AGAP5: variants seen among roughly 807,000 people sequenced by gnomAD.
AGAP5 encodes the protein ArfGAP with GTPase domain, ankyrin repeat and PH domain 5, also known as arf-GAP with GTPase, ANK repeat and PH domain-containing protein 5.
AGAP5 carries 8 observed loss-of-function variants against 27.7 expected under a neutral mutation model. That is an observed-to-expected ratio of 0.29 (90% CI 0.17 to 0.52). The LOEUF is 0.52. AGAP5 is among the 20% of genes least tolerant of loss of function. The probability of loss-of-function intolerance (pLI) is 0.97; values close to 1 mark genes in which losing one functional copy is unlikely to be tolerated. For synonymous variants in AGAP5, 111 were observed against 338.0 expected (o/e 0.33, Z 7.37); for missense variants, 285 against 880.8 (o/e 0.32, Z 8.56).
intron 3 of AGAP5, among the ~76,000 whole-genome samples, chr10:73,693,812 T>C (rs940135389): frequency 2.6e-5 from 4 of 152,160 alleles, no homozygotes; most frequent in African/African-American, 9.7e-5. Flanking sequence ...GTAAGTTTGC[T>C]GAGGCCCTCA....
At position 73,674,501 on chromosome 10, in the gene AGAP5, C is replaced by G. The variant is rs1047591; in HGVS notation, c.*98G>C. The G allele has an allele frequency of 3.1e-6, 5 of 1,590,942 alleles. No individual in the cohort carries two copies. The highest frequency in any genetic ancestry group is 4.3e-6 in the Non-Finnish European group (5 of 1,166,556). On this transcript the variant is annotated 3_prime_UTR_variant, in exon 8 of 8. Coordinates refer to ENST00000374094, the MANE Select transcript of AGAP5 (RefSeq NM_001144000.4). ...ATGAAAAGTACTGAAAATGCTATTA[C>G]TAGCTGAATTTGTGATTTCCTTTTG... is the stretch of plus-strand genomic sequence containing the variant.
In AGAP5 at chr10:73,676,443, G is replaced by A. The variant is rs1185127444; in HGVS notation, c.585+276C>T. On this transcript the variant is annotated intron_variant, in intron 7 of 7. Transcript: ENST00000374094. ...AGAGCCTGCAGTGAGCCAAGATCGCGCGATTGCACTCCAGCCTGGGCTACA... is the reference window on the plus strand; with the variant it reads ...AGAGCCTGCAGTGAGCCAAGATCGCACGATTGCACTCCAGCCTGGGCTACA... Among the ~76,000 whole-genome samples the A allele has an allele frequency of 3.7e-3, 521 of 141,828 alleles. 3 individuals carry two copies. Among genetic ancestry groups the A allele is most frequent in the African/African-American group, 0.013 (488 of 38,200 alleles). 93.0% of individuals were successfully genotyped at this position (141,828 alleles called of 152,430 possible).
At chr10:73,690,093 C>G (rs545289439) in intron 4 of AGAP5, among the ~76,000 whole-genome samples, 1 of 152,256 alleles carries the variant, frequency 6.6e-6, no homozygotes, top group South Asian at 2.1e-4. Context: ...GGCCACCACC[C>G]CGTCTGGGAG....
intron 5 of AGAP5, chr10:73,681,428 C>T (rs1051001159): frequency 1.0e-5 from 10 of 985,308 alleles, no homozygotes; most frequent in Middle Eastern, 5.2e-4. Flanking sequence ...GTGATCTCAG[C>T]GAGTGCCACC....
chr10:73,674,697 C>T lies in AGAP5; in HGVS notation c.1963G>A (p.Ala655Thr), dbSNP rs1362193124. ...TAGGTCAGCGCTGTGTTCCCGTGGG[C>T]ATCTCGGGCCATGACGTCCACCCCG... Reference protein sequence around the residue: ...WYGVDVMARDAHGNTALTYAR... With the variant: ...WYGVDVMARDTHGNTALTYAR... Residue 655 changes from alanine to threonine, a missense_variant, in exon 8 of 8, where the codon GCC becomes ACC. Physicochemically the swap from Ala to Thr is moderately conservative, Grantham distance 58 (BLOSUM62 0). Coordinates refer to ENST00000374094, the MANE Select transcript of AGAP5 (RefSeq NM_001144000.4). The T allele has an allele frequency of 2.5e-6, 4 of 1,612,030 alleles. No homozygotes were observed. The Admixed American group carries it at 6.7e-5, about 27-fold the overall frequency.
At chr10:73,697,253 A>G in intron 1 of AGAP5, 90 bp from the exon 2 acceptor site, 7 of 1,573,628 alleles carry the variant, frequency 4.4e-6, no homozygotes, top group Non-Finnish European at 6.0e-6. Context: ...ATTTGACAAG[A>G]GCCATAAATA....
At chr10:73,676,291 C>CAAAAAAAAAAAAAAAAA (rs371426814) in intron 7 of AGAP5, among the ~76,000 whole-genome samples, 3 of 71,802 alleles carry the variant, frequency 4.2e-5, no homozygotes, top group Non-Finnish European at 8.8e-5. Flanking sequence ...CCTGTCTTTA[C>CAAAAAAAAAAAAAAAAA]AAAAAAAAAA....
At chr10:73,689,530 A>T (rs2082096261) in intron 4 of AGAP5, among the ~76,000 whole-genome samples, 1 of 146,480 alleles carries the variant, frequency 6.8e-6, no homozygotes, top group Non-Finnish European at 1.5e-5. Context: ...CGCCATCCCA[A>T]CTAGGAAGTG....
chr10:73,690,604 AT>A (rs763995795), intron 4 of AGAP5, among the ~76,000 whole-genome samples: 5,213 of 122,346 alleles, frequency 0.043, 244 homozygotes, highest in African/African-American at 0.11. Flanking sequence ...AGAATGATCA[AT>A]TAAAAAAAAA....
intron 6 of AGAP5, among the ~76,000 whole-genome samples, 194 bp downstream of exon 6, chr10:73,679,877 A>G (rs1002009993): frequency 3.3e-5 from 5 of 152,234 alleles, no homozygotes; most frequent in Non-Finnish European, 1.5e-5. Flanking sequence ...CAATATAAGC[A>G]TATACTCTTT....
At chr10:73,686,965 G>C (rs2082069714) in intron 4 of AGAP5, among the ~76,000 whole-genome samples, 2 of 152,000 alleles carry the variant, frequency 1.3e-5, no homozygotes, top group African/African-American at 4.8e-5. Flanking sequence ...TGGACTTTGG[G>C]GACTTGGGGG....
intron 6 of AGAP5, among the ~76,000 whole-genome samples, chr10:73,679,229 C>T (rs1272376045): frequency 2.6e-5 from 4 of 151,984 alleles, no homozygotes; most frequent in Non-Finnish European, 5.9e-5. Flanking sequence ...ATGGCACAAT[C>T]TCAGCTCTCT....
chr10:73,686,173 C>A (rs376075302), intron 4 of AGAP5, among the ~76,000 whole-genome samples: 3 of 152,140 alleles, frequency 2.0e-5, no homozygotes, highest in Non-Finnish European at 2.9e-5. Context: ...AGGCCATAGT[C>A]GCCAAAATAG....
At chr10:73,697,446 C>G (rs2082170356) in intron 1 of AGAP5, 87 bp downstream of exon 1, 5 of 1,598,856 alleles carry the variant, frequency 3.1e-6, no homozygotes, top group Non-Finnish European at 4.2e-6. Flanking sequence ...GAAAGGAGCT[C>G]AAAGTGGGGG....
At chr10:73,693,504 C>G (rs2082135995) in intron 3 of AGAP5, among the ~76,000 whole-genome samples, 1 of 11,140 alleles carries the variant, frequency 9.0e-5, no homozygotes, top group South Asian at 4.8e-3. Context: ...TTCAGACCAG[C>G]CTGGCCAACA....
Position 73,692,025 on chromosome 10 carries a change from A to G in AGAP5, c.396+18T>C, listed in dbSNP as rs2082123461. 3 of 1,446,562 alleles carry G rather than the reference A, an allele frequency of 2.1e-6. No individual in the cohort carries two copies. Among genetic ancestry groups the G allele is most frequent in the Non-Finnish European group, 1.9e-6 (2 of 1,077,988 alleles). The allele number at this position is 1,446,562 out of a possible 1,614,324, so 89.6% of individuals were successfully genotyped here. On this transcript the variant is annotated intron_variant, in intron 4 of 7. Coordinates refer to ENST00000374094, the MANE Select transcript of AGAP5 (RefSeq NM_001144000.4). ...ATGTCAAACTATCAATTTCTTAACTATTTGAGTGTTTACTTACATGGTTTG... is the reference window on the plus strand; with the variant it reads ...ATGTCAAACTATCAATTTCTTAACTGTTTGAGTGTTTACTTACATGGTTTG...
At chr10:73,691,375 A>G (rs1449478664) in intron 4 of AGAP5, among the ~76,000 whole-genome samples, 1 of 152,192 alleles carries the variant, frequency 6.6e-6, no homozygotes, top group Non-Finnish European at 1.5e-5. Flanking sequence ...ATCATGGTGT[A>G]GCGGGGAAGG....
intron 2 of AGAP5, among the ~76,000 whole-genome samples, chr10:73,695,805 G>A (rs879378198): frequency 1.3e-5 from 2 of 151,612 alleles, no homozygotes; most frequent in African/African-American, 4.9e-5. Flanking sequence ...TAAGCCAACT[G>A]GATTTAATAT....
At chr10:73,687,130 A>G (rs978796593) in intron 4 of AGAP5, among the ~76,000 whole-genome samples, 3 of 152,186 alleles carry the variant, frequency 2.0e-5, no homozygotes, top group African/African-American at 7.2e-5. Flanking sequence ...TATGGAAATA[A>G]TAAATAAATA....
Sources: allele counts gnomAD v4.1 joint callset (sites outside exome capture counted in the v4.1 genomes callset), GRCh38; gene constraint gnomAD v4.1.1; transcripts MANE v1.5; gene names NCBI Gene and HGNC (gene_info 2026-07-23, HGNC 2026-07-21).